The following ADGRG6 variants were observed in gnomAD, a reference collection of about 807,000 sequenced individuals.
ADGRG6 encodes the protein G-protein coupled receptor 126.
Under a neutral mutation model 142.4 loss-of-function variants are expected in ADGRG6, and 84 were observed. That is an observed-to-expected ratio of 0.59 (90% CI 0.49 to 0.71). The LOEUF (loss-of-function observed/expected upper bound fraction) is 0.71, where lower values mean the gene tolerates loss of function less well. Among genes scored for constraint, ADGRG6 ranks in the 30% least tolerant of loss-of-function variants. The pLI, the probability that ADGRG6 is intolerant of heterozygous loss-of-function variation, is 0.00. For synonymous variants in ADGRG6, 521 were observed against 520.5 expected, an observed-to-expected ratio of 1.00 and a Z score of -0.01; for missense variants, 1,367 against 1,466.6, an observed-to-expected ratio of 0.93 and a Z score of 1.11.
chr6:142,326,414 T>C (rs1778781349), intron 2 of ADGRG6, among the ~76,000 whole-genome samples: 1 of 152,026 alleles, frequency 6.6e-6, no homozygotes, highest in Non-Finnish European at 1.5e-5. Context: ...GAAATGGTAA[T>C]GAAAAATTAA....
chr6:142,318,638 T>C (rs1778363353), intron 2 of ADGRG6, among the ~76,000 whole-genome samples: 1 of 151,308 alleles, frequency 6.6e-6, no homozygotes, highest in Non-Finnish European at 1.5e-5. Flanking sequence ...GGATAGATAA[T>C]GTTAAAACTG....
At chr6:142,316,392 G>A (rs931539735) in intron 2 of ADGRG6, among the ~76,000 whole-genome samples, 12 of 151,910 alleles carry the variant, frequency 7.9e-5, no homozygotes, top group Non-Finnish European at 1.3e-4. Context: ...CACTCTTATT[G>A]GTTTGGGCAA....
At chr6:142,351,758 A>G (rs1418601568) in intron 2 of ADGRG6, among the ~76,000 whole-genome samples, 1 of 152,178 alleles carries the variant, frequency 6.6e-6, no homozygotes, top group African/African-American at 2.4e-5. Flanking sequence ...GAAGAAACAG[A>G]CAGCCTACAG....
chr6:142,381,824 T>G lies in ADGRG6; in HGVS notation c.1070-127T>G, dbSNP rs1781784244. The G allele has an allele frequency of 2.4e-5, 13 of 531,668 alleles. No individual in the cohort carries two copies. The East Asian group carries it at 4.1e-4, about 17-fold the overall frequency. 32.9% of individuals were successfully genotyped at this position (531,668 alleles called of 1,614,324 possible). A position where few individuals can be genotyped will look rare whatever the true frequency, so the allele number is the denominator to read the frequency against. ...AAGGCACAGTGGCCTTAAGAGACTT[T>G]CTTGATATCAAAGAATTACTGGTGG... is the stretch of plus-strand genomic sequence containing the variant. On this transcript the variant is annotated intron_variant, in intron 4 of 24. Coordinates refer to ENST00000367609, the MANE Select transcript of ADGRG6 (RefSeq NM_198569.3).
intron 2 of ADGRG6, among the ~76,000 whole-genome samples, chr6:142,343,589 A>T (rs78144914): frequency 0.012 from 1,890 of 152,014 alleles, 44 homozygotes; most frequent in African/African-American, 0.042. Context: ...TATAGTTTTT[A>T]CAATTATACA....
chr6:142,340,899 G>T (rs1379518475), intron 2 of ADGRG6, among the ~76,000 whole-genome samples: 1 of 152,070 alleles, frequency 6.6e-6, no homozygotes, highest in Non-Finnish European at 1.5e-5. Flanking sequence ...ATTTTCTGTG[G>T]TTGTCTTGGA....
chr6:142,396,410 G>A (rs1330827458), intron 9 of ADGRG6, among the ~76,000 whole-genome samples: 2 of 152,118 alleles, frequency 1.3e-5, no homozygotes, highest in Admixed American at 1.3e-4. Context: ...GAAGAGTAGA[G>A]CACCTATTCC....
Position 142,443,464 on chromosome 6 carries a change from C to G in ADGRG6, c.3702C>G (p.Phe1234Leu). ...ATTGCAATGCTCATTCAGACAACTT[C>G]TATAAAAATATTATCATGTCAGACA... ...KGYCNAHSDN[F>L]YKNIIMSDTF... The change falls in exon 25 of 25, where the codon TTC becomes TTG. Residue 1234 changes from phenylalanine (F) to leucine (L), a missense_variant. Physicochemically the swap from Phe to Leu is conservative, Grantham distance 22. Transcript: ENST00000367609. The G allele has an allele frequency of 6.2e-7, 1 of 1,611,708 alleles. No individual in the cohort carries two copies. Among genetic ancestry groups the G allele is most frequent in the Non-Finnish European group, 8.5e-7 (1 of 1,178,162 alleles).
chr6:142,360,567 T>C (rs1301500051), intron 2 of ADGRG6, among the ~76,000 whole-genome samples: 1 of 152,198 alleles, frequency 6.6e-6, no homozygotes, highest in African/African-American at 2.4e-5. Flanking sequence ...TTACTGGATG[T>C]GGAATGGCTG....
At chr6:142,432,673 C>T (rs577899336) in intron 22 of ADGRG6, among the ~76,000 whole-genome samples, 7 of 152,264 alleles carry the variant, frequency 4.6e-5, no homozygotes, top group Admixed American at 2.6e-4. Flanking sequence ...TAGGGCAGCA[C>T]TATACAATCT....
At chr6:142,380,435 A>G (rs1781719003) in intron 4 of ADGRG6, among the ~76,000 whole-genome samples, 3 of 152,136 alleles carry the variant, frequency 2.0e-5, no homozygotes, top group East Asian at 3.9e-4. Flanking sequence ...TGTGGGATTA[A>G]CCACTGGAAG....
chr6:142,389,475 C>T (rs1774760767), intron 6 of ADGRG6, among the ~76,000 whole-genome samples: 1 of 151,848 alleles, frequency 6.6e-6, no homozygotes, highest in Admixed American at 6.6e-5. Flanking sequence ...CTAAAGCACC[C>T]ATTTACAGCT....
chr6:142,367,537 TTC>T (rs756263268), intron 2 of ADGRG6, 30 bp from the exon 3 acceptor site: 1 of 1,574,204 alleles, frequency 6.4e-7, no homozygotes, highest in Non-Finnish European at 8.7e-7. Context: ...AACCCAGCCC[TTC>T]TCTCTGTCTC....
At chr6:142,335,649 G>A (rs1204886631) in intron 2 of ADGRG6, among the ~76,000 whole-genome samples, 1 of 152,062 alleles carries the variant, frequency 6.6e-6, no homozygotes, top group East Asian at 1.9e-4. Context: ...TTACACAGAG[G>A]ATGAATCTGC....
At chr6:142,404,438 T>C (rs749008604) in intron 14 of ADGRG6, among the ~76,000 whole-genome samples, 6 of 151,864 alleles carry the variant, frequency 4.0e-5, no homozygotes, top group Non-Finnish European at 7.4e-5. Flanking sequence ...GTCAGGAGTT[T>C]GAGACCAGGC....
At chr6:142,353,043 C>T (rs1780265557) in intron 2 of ADGRG6, among the ~76,000 whole-genome samples, 1 of 152,146 alleles carries the variant, frequency 6.6e-6, no homozygotes. Flanking sequence ...TGTGTATTGG[C>T]ATTACACAGT....
At chr6:142,318,195 TTATATTATATATATTTA>T (rs1256341453) in intron 2 of ADGRG6, among the ~76,000 whole-genome samples, 75 of 32,956 alleles carry the variant, frequency 2.3e-3, no homozygotes, top group African/African-American at 5.2e-3. Context: ...TATTATATAT[TTATATTATATATATTTA>T]TATATTATAT....
chr6:142,399,602 A>G (rs1455610526), intron 10 of ADGRG6, among the ~76,000 whole-genome samples: 1 of 152,236 alleles, frequency 6.6e-6, no homozygotes, highest in Non-Finnish European at 1.5e-5. Context: ...CATTTAATTT[A>G]TACCATTTAA....
At chr6:142,372,823 A>G (rs568645161) in intron 4 of ADGRG6, among the ~76,000 whole-genome samples, 10 of 152,308 alleles carry the variant, frequency 6.6e-5, no homozygotes, top group Admixed American at 4.6e-4. Context: ...ACTGTCTTTA[A>G]TTCAGGGGTC....
Sources: gnomAD v4.1 joint callset for allele counts (sites outside exome capture counted in the v4.1 genomes callset) on GRCh38, gnomAD v4.1.1 for gene constraint, MANE v1.5 for transcripts, NCBI Gene and HGNC (gene_info 2026-07-23, HGNC 2026-07-21) for gene names.